The following RIMS1 variants were observed in gnomAD, a reference collection of about 807,000 sequenced individuals.
RIMS1 encodes regulating synaptic membrane exocytosis protein 1.
Under a neutral mutation model 214.1 loss-of-function variants are expected in RIMS1, and 83 were observed. The observed-to-expected ratio is 0.39, with a 90% CI of 0.32 to 0.47. The LOEUF (loss-of-function observed/expected upper bound fraction) is 0.47. RIMS1 is among the 20% of genes least tolerant of loss of function. RIMS1 has a pLI of 0.99. For synonymous variants in RIMS1, 793 were observed against 786.8 expected, an observed-to-expected ratio of 1.01 and a Z score of -0.13; for missense variants, 2,050 against 2,161.8, an observed-to-expected ratio of 0.95 and a Z score of 1.03.
intron 2 of RIMS1, among the ~76,000 whole-genome samples, chr6:72,075,789 GGTAGA>G (rs1352837638): frequency 1.3e-5 from 2 of 152,118 alleles, no homozygotes; most frequent in African/African-American, 4.8e-5. Flanking sequence ...GGTTAAAGGA[GGTAGA>G]GTAATTTGCT....
intron 1 of RIMS1, among the ~76,000 whole-genome samples, chr6:71,964,084 G>A (rs2151287627): frequency 6.6e-6 from 1 of 152,302 alleles, no homozygotes; most frequent in East Asian, 1.9e-4. Context: ...TCTGGATGTG[G>A]TGAGGGGAGC....
At chr6:72,255,833 C>T (rs939983478) in intron 16 of RIMS1, among the ~76,000 whole-genome samples, 11 of 151,982 alleles carry the variant, frequency 7.2e-5, no homozygotes, top group African/African-American at 1.9e-4. Context: ...GTCAGGAGTT[C>T]GAGACCAGCC....
intron 4 of RIMS1, among the ~76,000 whole-genome samples, chr6:72,123,758 G>C (rs1160789805): frequency 6.6e-6 from 1 of 151,730 alleles, no homozygotes; most frequent in Non-Finnish European, 1.5e-5. Context: ...ATCTTTGTCA[G>C]TTTAAAGTCT....
At position 72,401,247 on chromosome 6, in the gene RIMS1, G is replaced by A. The variant is rs911938146; in HGVS notation, c.*533G>A. ...GTTTTTTTTTGGCTGTGTCATGACA[G>A]GCCTCATGATGCTAACAGAGATTCT... On this transcript the variant is annotated 3_prime_UTR_variant, in exon 34 of 34. Coordinates refer to ENST00000521978, the MANE Select transcript of RIMS1 (RefSeq NM_014989.7). 6.5e-6 allele frequency: 1 copy of A among 153,212 alleles called. No homozygotes were observed. The highest frequency in any genetic ancestry group is 1.5e-5 in the Non-Finnish European group (1 of 68,596). The allele number at this position is 153,212 out of a possible 1,614,324, so 9.5% of individuals were successfully genotyped here.
At chr6:71,935,058 T>TG (rs1346167520) in intron 1 of RIMS1, among the ~76,000 whole-genome samples, 2 of 151,960 alleles carry the variant, frequency 1.3e-5, no homozygotes, top group South Asian at 2.1e-4. Context: ...GCAGTTTGAG[T>TG]GGGGAAAAAA....
At chr6:72,000,616 A>G (rs1804870674) in intron 2 of RIMS1, among the ~76,000 whole-genome samples, 4 of 151,910 alleles carry the variant, frequency 2.6e-5, no homozygotes, top group Admixed American at 2.6e-4. Context: ...TTTCTACCAC[A>G]CCTCATCAAA....
At chr6:72,305,231 T>C (rs1343364690) in intron 26 of RIMS1, among the ~76,000 whole-genome samples, 1 of 152,070 alleles carries the variant, frequency 6.6e-6, no homozygotes, top group Non-Finnish European at 1.5e-5. Context: ...GTCAGACTGC[T>C]TCTGGCCAGT....
At chr6:72,293,330 G>C (rs769858287) in intron 26 of RIMS1, among the ~76,000 whole-genome samples, 11 of 151,866 alleles carry the variant, frequency 7.2e-5, no homozygotes, top group Non-Finnish European at 1.5e-4. Context: ...TAATTCATTG[G>C]AATTATTCAT....
rs781262533 is a variant in RIMS1, at chr6:72,003,099, G to A, written c.245+34036G>A. Among the ~76,000 whole-genome samples, 63 of 152,280 alleles carry A rather than the reference G, an allele frequency of 4.1e-4. No individual in the cohort carries two copies. The Middle Eastern group carries it at 0.01, about 25-fold the overall frequency. ...TACCAGAACTCCGTGGCTGAAGTAG[G>A]GGAAGAGATGAGGGAGGACTCAAAA... On this transcript the variant is annotated intron_variant, in intron 2 of 33. Transcript: ENST00000521978.
At chr6:72,131,423 A>T (rs1195906687) in intron 4 of RIMS1, among the ~76,000 whole-genome samples, 1 of 152,166 alleles carries the variant, frequency 6.6e-6, no homozygotes, top group African/African-American at 2.4e-5. Flanking sequence ...TACAAAAGAG[A>T]GAAATTTTAA....
intron 2 of RIMS1, among the ~76,000 whole-genome samples, chr6:72,080,236 C>T (rs1220140816): frequency 2.6e-5 from 4 of 151,996 alleles, no homozygotes; most frequent in African/African-American, 9.7e-5. Flanking sequence ...TGCACTCCAG[C>T]CTGGGCAACA....
chr6:72,183,752 G>A (rs2153971810), intron 6 of RIMS1, among the ~76,000 whole-genome samples: 1 of 151,190 alleles, frequency 6.6e-6, no homozygotes, highest in Non-Finnish European at 1.5e-5. Context: ...GGACGAACCG[G>A]GTAGCCTGGC....
intron 1 of RIMS1, among the ~76,000 whole-genome samples, chr6:71,921,815 C>A (rs573987582): frequency 6.6e-6 from 1 of 152,244 alleles, no homozygotes; most frequent in East Asian, 1.9e-4. Flanking sequence ...TACGCAAATG[C>A]AGTTGAGGAA....
intron 6 of RIMS1, among the ~76,000 whole-genome samples, chr6:72,212,036 A>AT (rs1418920885): frequency 2.0e-5 from 3 of 152,168 alleles, no homozygotes; most frequent in Admixed American, 1.3e-4. Context: ...AGTATGAAAT[A>AT]TAGGCAAATG....
intron 4 of RIMS1, among the ~76,000 whole-genome samples, chr6:72,111,497 A>T (rs182041507): frequency 9.9e-5 from 15 of 152,200 alleles, no homozygotes; most frequent in African/African-American, 3.6e-4. Context: ...GATTTCCCCA[A>T]ATTCTTGTAA....
chr6:72,023,191 A>G lies in RIMS1; in HGVS notation c.245+54128A>G, dbSNP rs1366246037. Among the ~76,000 whole-genome samples the G allele has an allele frequency of 2.0e-5, 3 of 152,200 alleles. No homozygotes were observed. The East Asian group carries it at 5.8e-4, about 29-fold the overall frequency. On this transcript the variant is annotated intron_variant, in intron 2 of 33. Transcript: ENST00000521978. ...TGATTTAAATTACCCAAATCATGCAAAAGACTCATTTACACTCTGAAAGAG... is the reference window on the plus strand; with the variant it reads ...TGATTTAAATTACCCAAATCATGCAGAAGACTCATTTACACTCTGAAAGAG...
At chr6:72,073,913 T>C (rs961212938) in intron 2 of RIMS1, among the ~76,000 whole-genome samples, 3 of 152,246 alleles carry the variant, frequency 2.0e-5, no homozygotes, top group African/African-American at 7.2e-5. Context: ...CTCCTTAATG[T>C]GTCCAAGAAC....
chr6:72,020,437 C>G (rs904017204), intron 2 of RIMS1, among the ~76,000 whole-genome samples: 4 of 152,132 alleles, frequency 2.6e-5, no homozygotes, highest in African/African-American at 9.7e-5. Context: ...AGCCCTTGGC[C>G]CACTCAGCCT....
chr6:72,308,226 T>C (rs1476752507), intron 27 of RIMS1, among the ~76,000 whole-genome samples: 1 of 152,106 alleles, frequency 6.6e-6, no homozygotes, highest in African/African-American at 2.4e-5. Context: ...TCAATAATAT[T>C]TTCTAAGGAA....
Sources: allele counts gnomAD v4.1 joint callset (sites outside exome capture counted in the v4.1 genomes callset), GRCh38; gene constraint gnomAD v4.1.1; transcripts MANE v1.5; gene names NCBI Gene and HGNC (gene_info 2026-07-23, HGNC 2026-07-21).